ACSM1: variants seen among roughly 807,000 people sequenced by gnomAD.
ACSM1 encodes acyl-coenzyme A synthetase ACSM1, mitochondrial.
Under a neutral mutation model 75.8 loss-of-function variants are expected in ACSM1, and 79 were observed. That is an observed-to-expected ratio of 1.04 (90% CI 0.87 to 1.26). ACSM1 has a LOEUF of 1.26. Among genes scored for constraint, ACSM1 ranks in the 50% most tolerant of loss-of-function variants. ACSM1 has a pLI of 0.00. For missense variants in ACSM1, 676 were observed against 720.1 expected, an observed-to-expected ratio of 0.94 and a Z score of 0.70; for synonymous variants, 279 against 265.8, an observed-to-expected ratio of 1.05 and a Z score of -0.48.
In ACSM1 at chr16:20,641,542, G is replaced by T. The variant is rs553885542; in HGVS notation, c.993-958C>A. 2.4e-4 allele frequency among the ~76,000 whole-genome samples: 36 copies of T among 152,282 alleles called. No homozygotes were observed. The South Asian group carries it at 7.5e-3, about 32-fold the overall frequency. On this transcript the variant is annotated intron_variant, in intron 7 of 13. Transcript: ENST00000520010. ...CCTTATAAATGCTATACCATCACAG[G>T]TGTTCATCATGCACCTGATCTTTTG... is the stretch of plus-strand genomic sequence containing the variant.
chr16:20,636,849 AG>A lies in ACSM1; in HGVS notation c.1198-10del, dbSNP rs771031808. On this transcript the variant is annotated splice_polypyrimidine_tract_variant and intron_variant, in intron 9 of 13. Transcript: ENST00000520010. Reference sequence around the variant, plus strand: ...CCCTTGTCATCAATGACCTGTAGCAAGAGGCCTGTGAATCATACACTGCAGG... The same window carrying A: ...CCCTTGTCATCAATGACCTGTAGCAAAGGCCTGTGAATCATACACTGCAGG... 1.1e-4 allele frequency: 181 copies of A among 1,611,014 alleles called. No individual in the cohort carries two copies. Among genetic ancestry groups the A allele is most frequent in the Non-Finnish European group, 1.0e-4 (118 of 1,177,638 alleles).
At chr16:20,672,483 T>C (rs1297416933) in intron 4 of ACSM1, among the ~76,000 whole-genome samples, 1 of 113,584 alleles carries the variant, frequency 8.8e-6, no homozygotes, top group Non-Finnish European at 1.7e-5. Context: ...TATATATATA[T>C]ATATATATAT....
chr16:20,697,132 G>A (rs982035237), intron 1 of ACSM1, among the ~76,000 whole-genome samples: 1 of 152,108 alleles, frequency 6.6e-6, no homozygotes, highest in Non-Finnish European at 1.5e-5. Flanking sequence ...GAGTGCAGTG[G>A]TGTGATCATA....
intron 7 of ACSM1, among the ~76,000 whole-genome samples, chr16:20,654,478 A>G (rs1392775974): frequency 6.6e-6 from 1 of 152,256 alleles, no homozygotes; most frequent in Non-Finnish European, 1.5e-5. Context: ...ACAGAATGGG[A>G]GAAAATTTTT....
At chr16:20,636,684 G>A in intron 10 of ACSM1, 55 bp downstream of exon 10, 1 of 1,295,652 alleles carries the variant, frequency 7.7e-7, no homozygotes. Flanking sequence ...TCAGGATGCA[G>A]AGCTCCCTGT....
chr16:20,647,165 G>A (rs1221866811), intron 7 of ACSM1, among the ~76,000 whole-genome samples: 1 of 152,234 alleles, frequency 6.6e-6, no homozygotes, highest in African/African-American at 2.4e-5. Flanking sequence ...ACATGGAGGT[G>A]AGGGTATGCT....
intron 6 of ACSM1, among the ~76,000 whole-genome samples, chr16:20,668,213 T>C (rs755229119): frequency 6.6e-6 from 1 of 152,210 alleles, no homozygotes; most frequent in South Asian, 2.1e-4. Flanking sequence ...TAATACAATA[T>C]CTAAATTAAA....
intron 6 of ACSM1, among the ~76,000 whole-genome samples, chr16:20,668,355 T>A (rs2019691093): frequency 6.6e-6 from 1 of 152,122 alleles, no homozygotes; most frequent in African/African-American, 2.4e-5. Context: ...TTTGGGACAC[T>A]CTCTATAGCA....
At chr16:20,663,826 ATT>A (rs2019421561) in intron 6 of ACSM1, among the ~76,000 whole-genome samples, 4 of 152,068 alleles carry the variant, frequency 2.6e-5, no homozygotes, top group Admixed American at 6.6e-5. Context: ...CCTTCCGTGT[ATT>A]TCTTTTTCCA....
At chr16:20,641,293 A>G (rs2018044233) in intron 7 of ACSM1, among the ~76,000 whole-genome samples, 1 of 152,210 alleles carries the variant, frequency 6.6e-6, no homozygotes, top group African/African-American at 2.4e-5. Flanking sequence ...GCCATCTTTT[A>G]TGGGGGGAAG....
intron 6 of ACSM1, among the ~76,000 whole-genome samples, chr16:20,663,815 C>T (rs1278229264): frequency 3.3e-5 from 5 of 152,120 alleles, no homozygotes; most frequent in Non-Finnish European, 7.4e-5. Context: ...TTCTAGTTCC[C>T]CCTTCCGTGT....
At chr16:20,638,256 G>T (rs1466459865) in intron 8 of ACSM1, among the ~76,000 whole-genome samples, 1 of 152,140 alleles carries the variant, frequency 6.6e-6, no homozygotes, top group Non-Finnish European at 1.5e-5. Flanking sequence ...GTGCTTGTAA[G>T]CATATGGAAA....
At chr16:20,637,323 C>T (rs773075400) in intron 9 of ACSM1, 48 bp downstream of exon 9, 3 of 1,516,190 alleles carry the variant, frequency 2.0e-6, no homozygotes, top group Non-Finnish European at 2.7e-6. Flanking sequence ...AATTGTCCAA[C>T]CCCCGCTGAG....
intron 2 of ACSM1, among the ~76,000 whole-genome samples, chr16:20,686,575 C>T (rs1411016541): frequency 6.6e-6 from 1 of 152,112 alleles, no homozygotes; most frequent in African/African-American, 2.4e-5. Context: ...CACCATGACA[C>T]GCATATACCT....
chr16:20,637,327 C>T (rs762429195), intron 9 of ACSM1, 44 bp downstream of exon 9: 4 of 1,546,612 alleles, frequency 2.6e-6, no homozygotes, highest in African/African-American at 1.4e-5. Flanking sequence ...GTCCAACCCC[C>T]GCTGAGCCCT....
rs1396336153 is a variant in ACSM1 at position 20,637,402 on chromosome 16, A to G, written c.1166T>C (p.Met389Thr). The change falls in exon 9 of 14, where the codon ATG (methionine) becomes ACG (threonine). Residue 389 changes from methionine to threonine, a missense_variant. By Grantham distance (81) the Met-to-Thr change is moderately conservative. Transcript: ENST00000520010. The stretch of plus-strand genomic sequence containing the variant: ...GTCGTAGGGTGGAGTGGCCTTCCCC[A>G]TGAAACCCGGCTTGATCTTCATTCC... ...YWGMKIKPGF[M>T]GKATPPYDVQ... is the part of the protein sequence containing the mutation. 3 of 1,614,140 alleles carry G rather than the reference A, an allele frequency of 1.9e-6. No homozygotes were observed. Among genetic ancestry groups the G allele is most frequent in the Middle Eastern group, 1.7e-4 (1 of 6,048 alleles).
chr16:20,639,399 T>A (rs1399902739), intron 8 of ACSM1, among the ~76,000 whole-genome samples: 1 of 152,124 alleles, frequency 6.6e-6, no homozygotes, highest in African/African-American at 2.4e-5. Flanking sequence ...GCAATGCACT[T>A]TTTGAGCCAG....
chr16:20,627,497 G>A (rs1235683038), intron 10 of ACSM1, among the ~76,000 whole-genome samples, 181 bp from the exon 11 acceptor site: 1 of 152,140 alleles, frequency 6.6e-6, no homozygotes, highest in African/African-American at 2.4e-5. Flanking sequence ...ACTGCTCTAT[G>A]AGTGGTTGTG....
intron 3 of ACSM1, among the ~76,000 whole-genome samples, chr16:20,683,715 C>CTTTCTTTCTT (rs139237980): frequency 1.5e-5 from 2 of 136,310 alleles, no homozygotes; most frequent in Non-Finnish European, 1.5e-5. Context: ...CTCTCTCTCT[C>CTTTCTTTCTT]TCTTTCTTTC....
Sources: gnomAD v4.1 joint callset for allele counts (sites outside exome capture counted in the v4.1 genomes callset) on GRCh38, gnomAD v4.1.1 for gene constraint, MANE v1.5 for transcripts, NCBI Gene and HGNC (gene_info 2026-07-23, HGNC 2026-07-21) for gene names.